Variants in SH2B3 observed in about 807,000 individuals in gnomAD.
The protein encoded by SH2B3 is SH2B adapter protein 3.
In SH2B3, 43 loss-of-function variants were observed where a neutral mutation model predicts 51.9. The observed-to-expected ratio is 0.83, with a 90% CI of 0.65 to 1.07. The LOEUF (loss-of-function observed/expected upper bound fraction) is 1.07. Among genes scored for constraint, SH2B3 ranks in the 50% least tolerant of loss-of-function variants. The pLI, the probability that SH2B3 is intolerant of heterozygous loss-of-function variation, is 0.00. For missense variants in SH2B3, 952 were observed against 834.3 expected, an observed-to-expected ratio of 1.14 and a Z score of -1.74; for synonymous variants, 396 against 376.0, an observed-to-expected ratio of 1.05 and a Z score of -0.62.
chr12:111,434,332 G>A (rs1031028539), intron 2 of SH2B3, among the ~76,000 whole-genome samples: 2 of 152,256 alleles, frequency 1.3e-5, no homozygotes, highest in East Asian at 1.9e-4. Flanking sequence ...CCTCCAGCCC[G>A]TGGCAACCAC....
rs1008871998 is a variant in SH2B3, at chr12:111,438,801, G to GA, written c.733-7950dup. Among the ~76,000 whole-genome samples the GA allele has an allele frequency of 9.2e-5, 14 of 152,326 alleles. No individual in the cohort carries two copies. Among genetic ancestry groups the GA allele is most frequent in the African/African-American group, 3.4e-4 (14 of 41,562 alleles). ...CACTTTGAAAAGCAGTCGTATTTGT[G>GA]AAGCTGTGGGGGGAGCTGCCTCTCT... is the stretch of plus-strand genomic sequence containing the variant. On this transcript the variant is annotated intron_variant, in intron 2 of 7. Transcript: ENST00000341259. This position sits in a 1 kb window ranked among gnomAD's most constrained non-coding sequence, Gnocchi z 4.2.
rs146513273 is a variant in SH2B3 at position 111,447,704 on chromosome 12, C to T, written c.1285C>T (p.Leu429Phe). ...TERGQCRVQHLHFPSVVDMLH... is the reference protein window; with the variant it reads ...TERGQCRVQHFHFPSVVDMLH... The stretch of plus-strand genomic sequence containing the variant: ...GCGGGGCCAGTGCCGTGTGCAGCAC[C>T]TCCACTTTCCCTCGGTCGTGGACAT... Residue 429 changes from leucine (L) to phenylalanine (F), a missense_variant, in exon 7 of 8, where the codon CTC becomes TTC. Transcript: ENST00000341259. The T allele has an allele frequency of 1.9e-6, 3 of 1,613,960 alleles. No homozygotes were observed. Among genetic ancestry groups the T allele is most frequent in the Non-Finnish European group, 2.5e-6 (3 of 1,179,974 alleles).
chr12:111,433,833 C>T (rs563369310), intron 2 of SH2B3, among the ~76,000 whole-genome samples: 244 of 152,262 alleles, frequency 1.6e-3, no homozygotes, highest in Admixed American at 3.3e-3. Context: ...AGGCTGGTCT[C>T]GAACACCTGG....
At chr12:111,446,402 C>A (rs1019025375) in intron 2 of SH2B3, among the ~76,000 whole-genome samples, 2 of 152,262 alleles carry the variant, frequency 1.3e-5, no homozygotes, top group Admixed American at 6.5e-5. Flanking sequence ...TGTGATGAGA[C>A]CGTCAGCAGC....
chr12:111,445,351 G>A (rs751032734), intron 2 of SH2B3, among the ~76,000 whole-genome samples: 1 of 152,214 alleles, frequency 6.6e-6, no homozygotes, highest in Non-Finnish European at 1.5e-5. Flanking sequence ...GGCTCTGCAG[G>A]GCTGGCTGGC....
chr12:111,411,489 G>A (rs1870693239), intron 1 of SH2B3, among the ~76,000 whole-genome samples: 1 of 152,186 alleles, frequency 6.6e-6, no homozygotes, highest in South Asian at 2.1e-4. Flanking sequence ...TATCCAGGGT[G>A]ATTAGATAGA....
At chr12:111,430,727 C>G (rs560125655) in intron 2 of SH2B3, among the ~76,000 whole-genome samples, 1 of 152,290 alleles carries the variant, frequency 6.6e-6, no homozygotes, top group African/African-American at 2.4e-5. Flanking sequence ...TGGCTCATTA[C>G]AGAAAATGGG....
In SH2B3 at chr12:111,448,726, C is replaced by G. The variant is rs868289205; in HGVS notation, c.*424C>G. The G allele has an allele frequency of 5.3e-6, 1 of 189,546 alleles. No individual in the cohort carries two copies. The highest frequency in any genetic ancestry group is 1.0e-4 in the South Asian group (1 of 9,662). The allele number at this position is 189,546 out of a possible 1,614,324, so 11.7% of individuals were successfully genotyped here. On this transcript the variant is annotated 3_prime_UTR_variant, in exon 8 of 8. Transcript: ENST00000341259. Reference sequence around the variant, plus strand: ...TCAGGAAGCCCAGAACACTAACAAGCGGTTCTCCCATCTACCGTCAGTCCA... The same window carrying G: ...TCAGGAAGCCCAGAACACTAACAAGGGGTTCTCCCATCTACCGTCAGTCCA...
intron 2 of SH2B3, among the ~76,000 whole-genome samples, chr12:111,432,659 G>A (rs1203509745): frequency 2.0e-5 from 3 of 152,180 alleles, no homozygotes; most frequent in Non-Finnish European, 4.4e-5. Flanking sequence ...CCCATGAACA[G>A]TCACTCCCCA....
Position 111,447,195 on chromosome 12 carries a change from G to A in SH2B3, c.997G>A (p.Gly333Ser). The A allele has an allele frequency of 1.2e-6, 2 of 1,613,762 alleles. No individual in the cohort carries two copies. Among genetic ancestry groups the A allele is most frequent in the Admixed American group, 1.7e-5 (1 of 60,016 alleles). ...GCCTAGCACGTCCAGCTCCCCAAGGGGCAGCACAGATTCCCTTAACCAAGG... is the reference window on the plus strand; with the variant it reads ...GCCTAGCACGTCCAGCTCCCCAAGGAGCAGCACAGATTCCCTTAACCAAGG... The part of the protein sequence containing the change: ...LEPSTSSSPR[G>S]STDSLNQGAS... Residue 333 changes from glycine to serine, a missense_variant, in exon 5 of 8, where the codon GGC (glycine) becomes AGC (serine). By Grantham distance (56) the Gly-to-Ser change is moderately conservative. Coordinates refer to ENST00000341259, the MANE Select transcript of SH2B3 (RefSeq NM_005475.3).
chr12:111,427,315 G>A (rs982259987), intron 2 of SH2B3, among the ~76,000 whole-genome samples: 3 of 151,134 alleles, frequency 2.0e-5, no homozygotes, highest in African/African-American at 7.3e-5. Context: ...GAGCCCAGGA[G>A]GTGGAGGTTG....
At chr12:111,442,766 AC>A (rs1430032330) in intron 2 of SH2B3, among the ~76,000 whole-genome samples, 2 of 152,198 alleles carry the variant, frequency 1.3e-5, no homozygotes, top group Non-Finnish European at 2.9e-5. Flanking sequence ...TGGCAGGCTC[AC>A]CTGTGCCTCT....
intron 2 of SH2B3, among the ~76,000 whole-genome samples, chr12:111,424,398 G>T (rs182733783): frequency 6.6e-6 from 1 of 152,120 alleles, no homozygotes; most frequent in Admixed American, 6.5e-5. Flanking sequence ...GTTGTGGTTT[G>T]TTATGGTTTT....
chr12:111,446,161 C>T (rs1264869146), intron 2 of SH2B3, among the ~76,000 whole-genome samples: 1 of 152,246 alleles, frequency 6.6e-6, no homozygotes, highest in East Asian at 1.9e-4. Context: ...GATTCCCAAC[C>T]GGAAGCAGCT....
Position 111,429,038 on chromosome 12 carries a change from AGG to A in SH2B3, c.732+10162_732+10163del. Among the ~76,000 whole-genome samples, 1 of 126,926 alleles carries A rather than the reference AGG, an allele frequency of 7.9e-6. No individual in the cohort carries two copies. Among genetic ancestry groups the A allele is most frequent in the Non-Finnish European group, 1.7e-5 (1 of 59,758 alleles). The allele number at this position is 126,926 out of a possible 152,430, so 83.3% of individuals were successfully genotyped here. ...TGCGAGGAGGAGGAGGAGGAGGAGGAGGAGGAGGAAGAGGAGGAGGAGGAGGA... is the reference window on the plus strand; with the variant it reads ...TGCGAGGAGGAGGAGGAGGAGGAGGAAGGAGGAAGAGGAGGAGGAGGAGGA... On this transcript the variant is annotated intron_variant, in intron 2 of 7. Coordinates refer to ENST00000341259, the MANE Select transcript of SH2B3 (RefSeq NM_005475.3). The surrounding 1 kb of genome is among the most constrained non-coding windows in gnomAD (Gnocchi z 4.4).
intron 2 of SH2B3, among the ~76,000 whole-genome samples, chr12:111,434,188 C>T (rs557412934): frequency 6.6e-6 from 1 of 152,178 alleles, no homozygotes; most frequent in African/African-American, 2.4e-5. Flanking sequence ...CCATAAAATT[C>T]ACTTGTTTAA....
Position 111,412,472 on chromosome 12 carries a change from C to G in SH2B3, c.-27-5647C>G, listed in dbSNP as rs935814171. On this transcript the variant is annotated intron_variant, in intron 1 of 7. Transcript: ENST00000341259. ...CCCCCCTGTGGCTTCCCATGGCGGG[C>G]GAGCCTGACTCCGAGGCTGGAGCTC... Among the ~76,000 whole-genome samples, 5 of 152,194 alleles carry G rather than the reference C, an allele frequency of 3.3e-5. No homozygotes were observed. In the East Asian group the frequency reaches 9.6e-4, roughly 29 times the overall value.
At position 111,448,085 on chromosome 12, in the gene SH2B3, CT is replaced by C; in HGVS notation, c.1512del (p.Gly505AlafsTer43). The C allele has an allele frequency of 6.2e-7, 1 of 1,614,116 alleles. No homozygotes were observed. The highest frequency in any genetic ancestry group is 1.7e-5 in the Admixed American group (1 of 60,028). On this transcript the variant is annotated frameshift_variant, in exon 8 of 8. Transcript: ENST00000341259. LOFTEE classifies it high-confidence loss of function. ...SELGLPHLSSSGCPRGLSPEG... is the reference protein window; with the variant it reads ...SELGLPHLSSXGCPRGLSPEG... ...TTGGGCCTTCCCCACCTTAGTTCTTCTGGCTGTCCCCGGGGGCTCAGCCCAG... is the reference window on the plus strand; with the variant it reads ...TTGGGCCTTCCCCACCTTAGTTCTTCGGCTGTCCCCGGGGGCTCAGCCCAG...
At position 111,406,387 on chromosome 12, in the gene SH2B3, C is replaced by G. The variant is rs905208987; in HGVS notation, c.-28+110C>G. 2.6e-5 allele frequency: 4 copies of G among 152,372 alleles called. No individual in the cohort carries two copies. Among genetic ancestry groups the G allele is most frequent in the African/African-American group, 9.6e-5 (4 of 41,466 alleles). The allele number at this position is 152,372 out of a possible 1,614,324, so 9.4% of individuals were successfully genotyped here. A position where few individuals can be genotyped will look rare whatever the true frequency, so the allele number is the denominator to read the frequency against. On this transcript the variant is annotated intron_variant, in intron 1 of 7. Transcript: ENST00000341259. The surrounding 1 kb of genome is among the most constrained non-coding windows in gnomAD (Gnocchi z 5.7). ...CCCGGGCTCTGCGCGTCACCCCCAG[C>G]CCAAAATACTGCCCTGCAGCCAACT...
Sources: gnomAD v4.1 joint callset for allele counts (sites outside exome capture counted in the v4.1 genomes callset) on GRCh38, gnomAD v4.1.1 for gene constraint, Gnocchi (gnomAD v3.1) non-coding constraint, MANE v1.5 for transcripts, NCBI Gene and HGNC (gene_info 2026-07-23, HGNC 2026-07-21) for gene names.